Variants in ACSS2 observed in about 807,000 individuals in gnomAD.
ACSS2 encodes the protein acetyl-coenzyme A synthetase, cytoplasmic.
Under a neutral mutation model 90.6 loss-of-function variants are expected in ACSS2, and 58 were observed. The ratio of observed to expected loss-of-function variants is 0.64; its 90% confidence interval spans 0.52 to 0.80. ACSS2 has a LOEUF of 0.80. ACSS2 is among the 30% of genes least tolerant of loss of function. The pLI is 0.00. For synonymous variants in ACSS2, 300 were observed against 330.9 expected, an observed-to-expected ratio of 0.91 and a Z score of 1.01; for missense variants, 759 against 912.0, an observed-to-expected ratio of 0.83 and a Z score of 2.16.
upstream of ACSS2, among the ~76,000 whole-genome samples, chr20:34,875,294 T>TGTG (rs2079883224): frequency 6.6e-6 from 1 of 151,970 alleles, no homozygotes; most frequent in Non-Finnish European, 1.5e-5. Context: ...GTGGGCCAGG[T>TGTG]GTGGTGGCTC....
At chr20:34,915,123 G>A (rs2081050238) in intron 7 of ACSS2, 5 of 1,331,906 alleles carry the variant, frequency 3.8e-6, no homozygotes, top group Non-Finnish European at 5.4e-6. Flanking sequence ...CCAGTGAGAA[G>A]GGAGTTTGGG....
At position 34,921,884 on chromosome 20, in the gene ACSS2, G is replaced by A; in HGVS notation, c.1548+18G>A. On this transcript the variant is annotated intron_variant, in intron 13 of 17. Coordinates refer to ENST00000360596, the MANE Select transcript of ACSS2 (RefSeq NM_018677.4). ...GTTATCTGGTGAGGCCCTGGCCCTT[G>A]GGAGTCTTTAAGGAGAGAGGGAAAG... The A allele has an allele frequency of 6.2e-7, 1 of 1,605,952 alleles. No individual in the cohort carries two copies. Among genetic ancestry groups the A allele is most frequent in the Middle Eastern group, 1.7e-4 (1 of 6,002 alleles).
rs2081173884 is a variant in ACSS2, at chr20:34,920,546, T to C, written c.980T>C (p.Val327Ala). 2 of 1,613,866 alleles carry C rather than the reference T, an allele frequency of 1.2e-6. No individual in the cohort carries two copies. The highest frequency in any genetic ancestry group is 3.3e-5 in the Admixed American group (2 of 59,996). Residue 327 changes from valine to alanine, a missense_variant, in exon 9 of 18, where the codon GTT (valine) becomes GCT (alanine). Val to Ala is a moderately conservative substitution (Grantham distance 64). Transcript: ENST00000360596. ...TCCCCATTCTTCCCACAGGGTGTGGTTCACACAGTTGGGGGCTACATGCTC... is the reference window on the plus strand; with the variant it reads ...TCCCCATTCTTCCCACAGGGTGTGGCTCACACAGTTGGGGGCTACATGCTC... The part of the protein sequence containing the change: ...SGSTGKPKGV[V>A]HTVGGYMLYV...
chr20:34,905,981 A>T (rs1465979854), intron 2 of ACSS2, among the ~76,000 whole-genome samples: 1 of 152,224 alleles, frequency 6.6e-6, no homozygotes, highest in African/African-American at 2.4e-5. Flanking sequence ...GATGCCAAGC[A>T]TAGCTAATAG....
intron 2 of ACSS2, among the ~76,000 whole-genome samples, chr20:34,903,828 A>C (rs574020448): frequency 1.3e-5 from 2 of 148,482 alleles, no homozygotes; most frequent in African/African-American, 5.0e-5. Context: ...TTTGAGCCCG[A>C]GAGTTTAAGA....
At position 34,882,808 on chromosome 20, in the gene ACSS2, A is replaced by G. The variant is rs1188279477; in HGVS notation, c.193A>G (p.Ile65Val). The part of the protein sequence containing the change: ...VEEPREFWGD[I>V]AKEFYWKTPC... ...TTCTGTTGCAGAATTCTGGGGAGAC[A>G]TTGCCAAGGAATTTTACTGGAAGAC... The change falls in exon 2 of 18, where the codon ATT becomes GTT. Residue 65 changes from isoleucine (I) to valine (V), a missense_variant. Ile to Val is a conservative substitution (Grantham distance 29). Coordinates refer to ENST00000360596, the MANE Select transcript of ACSS2 (RefSeq NM_018677.4). 1.2e-6 allele frequency: 2 copies of G among 1,612,392 alleles called. No homozygotes were observed. The highest frequency in any genetic ancestry group is 1.7e-6 in the Non-Finnish European group (2 of 1,179,528).
chr20:34,904,797 G>A (rs2080755389), intron 2 of ACSS2, among the ~76,000 whole-genome samples: 1 of 152,020 alleles, frequency 6.6e-6, no homozygotes, highest in Admixed American at 6.6e-5. Context: ...CCAACCATAT[G>A]GCCTCCAGGT....
chr20:34,921,385 G>T lies in ACSS2; in HGVS notation c.1333G>T (p.Glu445Ter), dbSNP rs774131612. ...CACAGTGGGTGAACCCATCAACCCT[G>T]AGGCCTGGCTATGGTACCACCGGGT... ...LGTVGEPINP[E>*]AWLWYHRVVG... is the part of the protein sequence containing the mutation. The change falls in exon 11 of 18, where the codon GAG (glutamate) becomes TAG (stop). Residue 445 changes from glutamate to a stop codon, truncating the protein, a stop_gained. Transcript: ENST00000360596. LOFTEE classifies it high-confidence loss of function. The T allele has an allele frequency of 6.2e-7, 1 of 1,614,198 alleles. No individual in the cohort carries two copies. The highest frequency in any genetic ancestry group is 1.1e-5 in the South Asian group (1 of 91,080).
At chr20:34,878,652 G>A (rs918679049) in intron 1 of ACSS2, among the ~76,000 whole-genome samples, 24 of 152,192 alleles carry the variant, frequency 1.6e-4, no homozygotes, top group African/African-American at 5.5e-4. Flanking sequence ...TAATAGCAAT[G>A]CTATTCCTCT....
Position 34,921,813 on chromosome 20 carries a change from G to A in ACSS2, c.1495G>A (p.Ala499Thr). The A allele has an allele frequency of 1.2e-6, 2 of 1,614,116 alleles. No homozygotes were observed. The highest frequency in any genetic ancestry group is 1.7e-6 in the Non-Finnish European group (2 of 1,179,992). Residue 499 changes from alanine (A) to threonine (T), a missense_variant, in exon 13 of 18, where the codon GCA (alanine) becomes ACA (threonine). By Grantham distance (58) the Ala-to-Thr change is moderately conservative. Coordinates refer to ENST00000360596, the MANE Select transcript of ACSS2 (RefSeq NM_018677.4). ...TTTCCCATTCTTTGGTGTAGCTCCT[G>A]CAATCCTGAATGAGTCCGGGGAAGA... is the stretch of plus-strand genomic sequence containing the variant. The part of the protein sequence containing the change: ...ATFPFFGVAP[A>T]ILNESGEELE...
At chr20:34,885,723 A>G (rs986731592) in intron 2 of ACSS2, among the ~76,000 whole-genome samples, 13 of 152,182 alleles carry the variant, frequency 8.5e-5, no homozygotes, top group African/African-American at 3.1e-4. Context: ...TTTTGCCAGC[A>G]TGCTATTGAT....
chr20:34,901,414 A>C (rs890132600), intron 2 of ACSS2, among the ~76,000 whole-genome samples: 1 of 152,072 alleles, frequency 6.6e-6, no homozygotes, highest in African/African-American at 2.4e-5. Flanking sequence ...CATTCTGAGT[A>C]ATCTGTGGTT....
chr20:34,898,244 G>T (rs8123210), intron 2 of ACSS2, among the ~76,000 whole-genome samples: 13 of 151,312 alleles, frequency 8.6e-5, no homozygotes, highest in African/African-American at 2.9e-4. Flanking sequence ...ACTGCTGGCT[G>T]GGGCAGCCTG....
intron 2 of ACSS2, among the ~76,000 whole-genome samples, chr20:34,903,677 C>G (rs1472211921): frequency 1.3e-5 from 2 of 152,172 alleles, no homozygotes; most frequent in Non-Finnish European, 1.5e-5. Flanking sequence ...GCTGTTTCTT[C>G]CTATCCTGTG....
intron 2 of ACSS2, among the ~76,000 whole-genome samples, chr20:34,883,784 G>A (rs1303282552): frequency 6.6e-6 from 1 of 152,134 alleles, no homozygotes; most frequent in Non-Finnish European, 1.5e-5. Context: ...CTCCCCAGCA[G>A]GAAATTTCTA....
chr20:34,911,757 A>G (rs1323719251), intron 2 of ACSS2, among the ~76,000 whole-genome samples: 2 of 152,200 alleles, frequency 1.3e-5, no homozygotes, highest in Non-Finnish European at 2.9e-5. Context: ...CCACACTATC[A>G]TTGGAATATA....
At chr20:34,879,999 CT>C (rs2080032751) in intron 1 of ACSS2, among the ~76,000 whole-genome samples, 1 of 152,136 alleles carries the variant, frequency 6.6e-6, no homozygotes, top group Non-Finnish European at 1.5e-5. Flanking sequence ...AGTCCAGTCC[CT>C]GATACATGAA....
chr20:34,919,521 C>T lies in ACSS2; in HGVS notation c.921C>T (p.Ala307=), dbSNP rs57092223. 1,072 of 1,611,488 alleles carry T rather than the reference C, an allele frequency of 6.7e-4. 10 individuals are homozygous for T. Among genetic ancestry groups the T allele is most frequent in the Middle Eastern group, 6.5e-3 (31 of 4,750 alleles). The change falls in exon 8 of 18, where the codon GCC becomes GCT. Residue 307 remains alanine, a synonymous_variant. Coordinates refer to ENST00000360596, the MANE Select transcript of ACSS2 (RefSeq NM_018677.4). ...AGTGTGAGCCCGAGTGGTGTGATGCCGAGGACCCACTCTTCATCCTGTACA... is the reference window on the plus strand; with the variant it reads ...AGTGTGAGCCCGAGTGGTGTGATGCTGAGGACCCACTCTTCATCCTGTACA... ...GDECEPEWCD[A]EDPLFILYTS...
intron 7 of ACSS2, among the ~76,000 whole-genome samples, chr20:34,917,235 T>C (rs2081093587): frequency 6.6e-6 from 1 of 152,242 alleles, no homozygotes; most frequent in Admixed American, 6.5e-5. Flanking sequence ...GCAGTATTGA[T>C]ACTTCTGGTT....
Sources: allele counts gnomAD v4.1 joint callset (sites outside exome capture counted in the v4.1 genomes callset), GRCh38; gene constraint gnomAD v4.1.1; transcripts MANE v1.5; gene names NCBI Gene and HGNC (gene_info 2026-07-23, HGNC 2026-07-21).